Variants in ANP32A observed in about 807,000 individuals in gnomAD.
ANP32A encodes acidic nuclear phosphoprotein 32 family member A, also known as acidic leucine-rich nuclear phosphoprotein 32 family member A.
ANP32A carries 1 observed loss-of-function variant against 33.9 expected under a neutral mutation model. The ratio of observed to expected loss-of-function variants is 0.03; its 90% CI spans 0.01 to 0.14. The LOEUF is 0.14. Among genes scored for constraint, ANP32A ranks in the 10% least tolerant of loss-of-function variants. The pLI is 1.00. For missense variants in ANP32A, 155 were observed against 306.0 expected (o/e 0.51, Z 3.68); for synonymous variants, 115 against 120.5 (o/e 0.95, Z 0.30).
At chr15:68,818,814 G>GCGGCCC (rs1328732487) in intron 1 of ANP32A, among the ~76,000 whole-genome samples, 200 of 151,786 alleles carry the variant, frequency 1.3e-3, no homozygotes, top group Non-Finnish European at 2.6e-3. Flanking sequence ...CGGGAAGACC[G>GCGGCCC]CGGCCCCGGC....
At chr15:68,784,323 C>G (rs773651745) in intron 4 of ANP32A, 74 bp downstream of exon 4, 29 of 1,542,028 alleles carry the variant, frequency 1.9e-5, no homozygotes, top group Non-Finnish European at 2.6e-5. Flanking sequence ...GCCCACCCAC[C>G]TCTGCAAAGC....
intron 1 of ANP32A, among the ~76,000 whole-genome samples, chr15:68,815,296 T>A (rs1174031072): frequency 6.6e-6 from 1 of 152,188 alleles, no homozygotes; most frequent in Non-Finnish European, 1.5e-5. Context: ...GATAGTAAAC[T>A]TTATCAAGAG....
Position 68,780,609 on chromosome 15 carries a change from G to A in ANP32A, c.625-136C>T. On this transcript the variant is annotated intron_variant, in intron 5 of 6. Transcript: ENST00000465139. The surrounding 1 kb of genome is among the most constrained non-coding windows in gnomAD (Gnocchi z 4.3). ...CCCACCAAGACTTGACATCTCGGGAGGAATGTAAAGCAGAGGTTCTTAATT... is the reference window on the plus strand; with the variant it reads ...CCCACCAAGACTTGACATCTCGGGAAGAATGTAAAGCAGAGGTTCTTAATT... 1 of 1,413,514 alleles carries A rather than the reference G, an allele frequency of 7.1e-7. No individual in the cohort carries two copies. The highest frequency in any genetic ancestry group is 9.4e-7 in the Non-Finnish European group (1 of 1,068,876). The allele number at this position is 1,413,514 out of a possible 1,614,324, so 87.6% of individuals were successfully genotyped here.
intron 5 of ANP32A, chr15:68,782,672 A>C (rs1893884018): frequency 2.2e-6 from 1 of 450,434 alleles, no homozygotes; most frequent in African/African-American, 2.0e-5. Flanking sequence ...TGCATTCTGT[A>C]CTTCTTCACA....
At chr15:68,784,729 A>G (rs1263800531) in intron 3 of ANP32A, 134 bp from the exon 4 acceptor site, 10 of 1,074,694 alleles carry the variant, frequency 9.3e-6, no homozygotes, top group Non-Finnish European at 1.3e-6. Context: ...GGAAGCTTGG[A>G]TTTGGCTCTG....
At chr15:68,788,625 C>T (rs189593089) in intron 1 of ANP32A, among the ~76,000 whole-genome samples, 3 of 152,298 alleles carry the variant, frequency 2.0e-5, no homozygotes, top group East Asian at 1.9e-4. Context: ...GCTTTTAATT[C>T]TATTTAATTT....
chr15:68,783,845 TAG>T (rs988224978), intron 4 of ANP32A, among the ~76,000 whole-genome samples: 1 of 152,142 alleles, frequency 6.6e-6, no homozygotes, highest in Non-Finnish European at 1.5e-5. Context: ...CCTGTGCCCC[TAG>T]GTGTGGGGCT....
intron 1 of ANP32A, chr15:68,792,331 A>G (rs1894008435): frequency 1.3e-5 from 2 of 152,270 alleles, no homozygotes; most frequent in Middle Eastern, 3.4e-3. Flanking sequence ...CAACACCCCA[A>G]AGAGAAACCT....
chr15:68,779,016 G>GT lies in ANP32A; in HGVS notation c.*1064_*1065insA, dbSNP rs954896822. On this transcript the variant is annotated 3_prime_UTR_variant, in exon 7 of 7. Coordinates refer to ENST00000465139, the MANE Select transcript of ANP32A (RefSeq NM_006305.4). ...ACTGGTGCAGATGTTCTTTTATACA[G>GT]ATGAAACATGGGTTCAGAAATTACA... The GT allele has an allele frequency of 6.6e-6, 1 of 152,170 alleles. No individual in the cohort carries two copies. 9.4% of individuals were successfully genotyped at this position (152,170 alleles called of 1,614,324 possible).
At chr15:68,794,053 G>A (rs1448580581) in intron 1 of ANP32A, among the ~76,000 whole-genome samples, 1 of 152,204 alleles carries the variant, frequency 6.6e-6, no homozygotes, top group Non-Finnish European at 1.5e-5. Flanking sequence ...TTTTAGCCCA[G>A]CTTACCTTTC....
At chr15:68,815,426 G>T (rs1380690322) in intron 1 of ANP32A, among the ~76,000 whole-genome samples, 1 of 151,016 alleles carries the variant, frequency 6.6e-6, no homozygotes, top group African/African-American at 2.5e-5. Context: ...TTTGTAACGA[G>T]ATCTGTTAAC....
chr15:68,802,370 A>C (rs376868194), intron 1 of ANP32A, among the ~76,000 whole-genome samples: 3 of 152,188 alleles, frequency 2.0e-5, no homozygotes, highest in African/African-American at 7.2e-5. Context: ...AGCATATTAT[A>C]CTAATCATTG....
At chr15:68,795,927 G>T (rs534559452) in intron 1 of ANP32A, among the ~76,000 whole-genome samples, 1 of 152,198 alleles carries the variant, frequency 6.6e-6, no homozygotes, top group Non-Finnish European at 1.5e-5. Context: ...GCTCTTAAAA[G>T]TGTTCACAGA....
chr15:68,798,506 T>C (rs995241861), intron 1 of ANP32A, among the ~76,000 whole-genome samples: 4 of 152,116 alleles, frequency 2.6e-5, no homozygotes, highest in African/African-American at 9.7e-5. Context: ...TCCCTAGCAA[T>C]TGATGAAGCT....
intron 1 of ANP32A, among the ~76,000 whole-genome samples, chr15:68,793,323 T>C (rs1429500648): frequency 6.6e-6 from 1 of 152,212 alleles, no homozygotes; most frequent in Non-Finnish European, 1.5e-5. Context: ...CTATCTTTTA[T>C]AAACACCAGT....
chr15:68,802,978 A>C (rs1894159340), intron 1 of ANP32A, among the ~76,000 whole-genome samples: 1 of 152,116 alleles, frequency 6.6e-6, no homozygotes. Flanking sequence ...CTAATGTCTA[A>C]GTTACTTAAC....
intron 4 of ANP32A, among the ~76,000 whole-genome samples, 167 bp from the exon 5 acceptor site, chr15:68,783,220 ATAAT>A (rs1460381300): frequency 6.6e-6 from 1 of 152,184 alleles, no homozygotes; most frequent in Non-Finnish European, 1.5e-5. Flanking sequence ...CAGTGCTGAC[ATAAT>A]TAAACACATC....
chr15:68,795,678 G>T (rs1894055217), intron 1 of ANP32A, among the ~76,000 whole-genome samples: 1 of 152,260 alleles, frequency 6.6e-6, no homozygotes, highest in Non-Finnish European at 1.5e-5. Flanking sequence ...GTACTCCGCA[G>T]GCTGGGGTGG....
intron 4 of ANP32A, among the ~76,000 whole-genome samples, chr15:68,783,658 A>C (rs1454235396): frequency 6.6e-6 from 1 of 152,230 alleles, no homozygotes; most frequent in African/African-American, 2.4e-5. Flanking sequence ...CTGGCCACGA[A>C]GATGCATGGG....
Sources: allele counts gnomAD v4.1 joint callset (sites outside exome capture counted in the v4.1 genomes callset), GRCh38; gene constraint gnomAD v4.1.1; non-coding constraint Gnocchi (gnomAD v3.1); transcripts MANE v1.5; gene names NCBI Gene and HGNC (gene_info 2026-07-23, HGNC 2026-07-21).